The following ALDH1L1 variants were observed in gnomAD, a reference collection of about 807,000 sequenced individuals.
ALDH1L1 encodes cytosolic 10-formyltetrahydrofolate dehydrogenase.
Under a neutral mutation model 101.1 loss-of-function variants are expected in ALDH1L1, and 68 were observed. That is an observed-to-expected ratio of 0.67 (90% confidence interval 0.55 to 0.82). ALDH1L1 has a LOEUF of 0.82. ALDH1L1 is among the 40% of genes least tolerant of loss of function. The pLI is 0.00. For missense variants in ALDH1L1, 1,087 were observed against 1,172.7 expected (o/e 0.93, Z 1.07); for synonymous variants, 486 against 470.8 (o/e 1.03, Z -0.42).
At chr3:126,138,214 C>A (rs1328073022) in intron 9 of ALDH1L1, among the ~76,000 whole-genome samples, 4 of 152,278 alleles carry the variant, frequency 2.6e-5, no homozygotes, top group Non-Finnish European at 5.9e-5. Flanking sequence ...AATTTCTTCA[C>A]CTGTAAAACA....
chr3:126,139,502 CAT>C (rs59724156), intron 9 of ALDH1L1, among the ~76,000 whole-genome samples: 34,019 of 151,868 alleles, frequency 0.22, 4,641 homozygotes, highest in African/African-American at 0.39. Flanking sequence ...ATCTACAAAA[CAT>C]ATGAAGAAAT....
intron 1 of ALDH1L1, among the ~76,000 whole-genome samples, chr3:126,165,904 G>A (rs1413230984): frequency 3.3e-5 from 5 of 151,890 alleles, no homozygotes; most frequent in Non-Finnish European, 7.4e-5. Flanking sequence ...CTTTTGTATG[G>A]ATTTTTGCAT....
At chr3:126,123,707 A>G (rs975507639) in intron 16 of ALDH1L1, among the ~76,000 whole-genome samples, 16 of 152,070 alleles carry the variant, frequency 1.1e-4, no homozygotes, top group Non-Finnish European at 1.8e-4. Flanking sequence ...GGGAAACTAT[A>G]AAAATAGCCA....
upstream of ALDH1L1, among the ~76,000 whole-genome samples, chr3:126,184,405 T>G (rs2081500218): frequency 1.3e-5 from 2 of 152,214 alleles, no homozygotes; most frequent in Non-Finnish European, 2.9e-5. Context: ...ACTATTTATA[T>G]GTGTGTCTGT....
chr3:126,164,686 C>T (rs904845186), intron 1 of ALDH1L1, among the ~76,000 whole-genome samples: 13 of 152,202 alleles, frequency 8.5e-5, no homozygotes, highest in East Asian at 1.9e-4. Context: ...AACATACAAG[C>T]GCATGTGTCT....
intron 12 of ALDH1L1, among the ~76,000 whole-genome samples, chr3:126,134,091 C>T (rs183947722): frequency 6.6e-6 from 1 of 152,294 alleles, no homozygotes; most frequent in East Asian, 1.9e-4. Flanking sequence ...GGTGGTCCCG[C>T]CACCCTGACA....
At chr3:126,177,163 A>C (rs1355744723) in intron 1 of ALDH1L1, among the ~76,000 whole-genome samples, 3 of 152,262 alleles carry the variant, frequency 2.0e-5, no homozygotes, top group Non-Finnish European at 1.5e-5. Flanking sequence ...TTATAACACG[A>C]AACATACTTT....
intron 1 of ALDH1L1, among the ~76,000 whole-genome samples, chr3:126,167,195 G>T (rs925163623): frequency 1.3e-5 from 2 of 151,950 alleles, no homozygotes; most frequent in Non-Finnish European, 2.9e-5. Context: ...TATAAATTCA[G>T]CATTTAAGCA....
intron 1 of ALDH1L1, among the ~76,000 whole-genome samples, chr3:126,188,248 G>T (rs1366216161): frequency 6.6e-6 from 1 of 152,208 alleles, no homozygotes; most frequent in African/African-American, 2.4e-5. Context: ...CATATTGGCA[G>T]TTTCTGCATC....
Position 126,105,752 on chromosome 3 carries a change from T to C in ALDH1L1, c.2627A>G (p.Lys876Arg), listed in dbSNP as rs142086991. 1,445 of 1,614,058 alleles carry C rather than the reference T, an allele frequency of 9.0e-4. 2 individuals carry two copies. Among genetic ancestry groups the C allele is most frequent in the Non-Finnish European group, 1.1e-3 (1,344 of 1,180,044 alleles). Residue 876 changes from lysine to arginine, a missense_variant, in exon 22 of 23, where the codon AAA becomes AGA. Physicochemically the swap from Lys to Arg is conservative, Grantham distance 26 (BLOSUM62 2). Transcript: ENST00000393434. ...TAGATCTTTGCCAAATCCAGACTGTTTGAATCCTCCGAAGGGAGCGGCCAC... is the reference window on the plus strand; with the variant it reads ...TAGATCTTTGCCAAATCCAGACTGTCTGAATCCTCCGAAGGGAGCGGCCAC... ...TDVAAPFGGF[K>R]QSGFGKDLGE... is the part of the protein sequence containing the mutation.
intron 7 of ALDH1L1, chr3:126,151,688 A>G (rs1463164633): frequency 6.6e-6 from 1 of 152,228 alleles, no homozygotes; most frequent in African/African-American, 2.4e-5. Context: ...GCTCTGCCAG[A>G]ACTGGAACTT....
intron 15 of ALDH1L1, 48 bp from the exon 16 acceptor site, chr3:126,124,499 G>A: frequency 6.7e-7 from 1 of 1,496,200 alleles, no homozygotes; most frequent in Non-Finnish European, 9.3e-7. Context: ...GTTTTTGAAA[G>A]TGGGGCTCTG....
Position 126,131,527 on chromosome 3 carries a change from C to T in ALDH1L1, c.1480G>A (p.Asp494Asn), listed in dbSNP as rs764416256. 5.0e-5 allele frequency: 80 copies of T among 1,606,222 alleles called. No homozygotes were observed. Among genetic ancestry groups the T allele is most frequent in the Non-Finnish European group, 6.6e-5 (77 of 1,173,650 alleles). The change falls in exon 13 of 23, where the codon GAT becomes AAT. Residue 494 changes from aspartate (D) to asparagine (N), a missense_variant. Asp to Asn is a conservative substitution (Grantham distance 23). Around this residue, in one of 2 missense-constraint regions of ALDH1L1, gnomAD observed 442 missense variants for 535.7 expected, o/e 0.83. Coordinates refer to ENST00000393434, the MANE Select transcript of ALDH1L1 (RefSeq NM_012190.4). ...TCCTCCTGGTGCTGCTCCATGAGAT[C>T]TGCCAACCTGACCAGGGTGAGGGGA... is the stretch of plus-strand genomic sequence containing the variant. Reference protein sequence around the residue: ...DRGRLMYRLADLMEQHQEELA... With the variant: ...DRGRLMYRLANLMEQHQEELA...
intron 10 of ALDH1L1, 38 bp from the exon 11 acceptor site, chr3:126,136,921 C>G: frequency 2.5e-6 from 4 of 1,611,812 alleles, no homozygotes; most frequent in Non-Finnish European, 3.4e-6. Context: ...CAAACCCATG[C>G]AGGGTGCAGG....
In ALDH1L1 at chr3:126,118,331, G is replaced by C. The variant is rs1433478148; in HGVS notation, c.1889-233C>G. ...CCTCATCCCCTGTACCTCTGAATGG[G>C]ACTGTGTTTGGAGATGTGGCCTTTA... On this transcript the variant is annotated intron_variant, in intron 16 of 22. Coordinates refer to ENST00000393434, the MANE Select transcript of ALDH1L1 (RefSeq NM_012190.4). 2.6e-5 allele frequency among the ~76,000 whole-genome samples: 4 copies of C among 152,268 alleles called. No homozygotes were observed. In the East Asian group the frequency reaches 5.8e-4, roughly 22 times the overall value.
chr3:126,109,010 A>G (rs1945984101), intron 20 of ALDH1L1, among the ~76,000 whole-genome samples: 1 of 152,172 alleles, frequency 6.6e-6, no homozygotes, highest in African/African-American at 2.4e-5. Flanking sequence ...GCGAGGCAAG[A>G]TGTAGGGAGC....
chr3:126,107,318 G>T lies in ALDH1L1; in HGVS notation c.2348-72C>A. ...GATGGTCCAGCCTCTCCGTCAGCAG[G>T]GCCTGGGCCACACCAGCCACCTGCG... On this transcript the variant is annotated intron_variant, in intron 20 of 22. Coordinates refer to ENST00000393434, the MANE Select transcript of ALDH1L1 (RefSeq NM_012190.4). 4.6e-6 allele frequency: 6 copies of T among 1,305,936 alleles called. No individual in the cohort carries two copies. In the South Asian group the frequency reaches 5.9e-5, roughly 13 times the overall value. 80.9% of individuals were successfully genotyped at this position (1,305,936 alleles called of 1,614,324 possible).
intron 4 of ALDH1L1, among the ~76,000 whole-genome samples, chr3:126,156,885 A>G (rs756316793): frequency 7.9e-5 from 12 of 152,210 alleles, no homozygotes; most frequent in Non-Finnish European, 1.2e-4. Context: ...TGGAATCAAG[A>G]ATTAGAATCC....
At chr3:126,161,212 A>C (rs1032656742) in intron 1 of ALDH1L1, among the ~76,000 whole-genome samples, 1 of 152,238 alleles carries the variant, frequency 6.6e-6, no homozygotes, top group Non-Finnish European at 1.5e-5. Context: ...CCCTAATGTC[A>C]GAATATTCAA....
Sources: gnomAD v4.1 joint callset for allele counts (sites outside exome capture counted in the v4.1 genomes callset) on GRCh38, gnomAD v4.1.1 for gene constraint, gnomAD v4.1.1 regional missense constraint, MANE v1.5 for transcripts, NCBI Gene and HGNC (gene_info 2026-07-23, HGNC 2026-07-21) for gene names.